MTF2: variants seen among roughly 807,000 people sequenced by gnomAD.
MTF2 encodes the protein metal-response element-binding transcription factor 2.
Under a neutral mutation model 79.5 loss-of-function variants are expected in MTF2, and 11 were observed. The observed-to-expected ratio is 0.14, with a 90% CI of 0.09 to 0.23. MTF2 has a LOEUF of 0.23. Among genes scored for constraint, MTF2 ranks in the 10% least tolerant of loss-of-function variants. MTF2 has a pLI of 1.00. For missense variants in MTF2, 486 were observed against 711.2 expected (o/e 0.68, Z 3.60); for synonymous variants, 208 against 232.8 (o/e 0.89, Z 0.97).
At chr1:93,088,554 A>G (rs771515032) in intron 1 of MTF2, among the ~76,000 whole-genome samples, 6 of 152,166 alleles carry the variant, frequency 3.9e-5, no homozygotes, top group Non-Finnish European at 8.8e-5. Flanking sequence ...GATATATTAT[A>G]TTTAACAGTG....
intron 10 of MTF2, 96 bp from the exon 11 acceptor site, chr1:93,129,182 C>T: frequency 1.2e-6 from 1 of 818,258 alleles, no homozygotes; most frequent in Non-Finnish European, 1.7e-6. Flanking sequence ...GGTGGGCTTT[C>T]AAGTATAAGG....
chr1:93,115,615 G>A lies in MTF2; in HGVS notation c.629G>A (p.Gly210Glu). 1 of 1,575,986 alleles carries A rather than the reference G, an allele frequency of 6.3e-7. No individual in the cohort carries two copies. The highest frequency in any genetic ancestry group is 8.6e-7 in the Non-Finnish European group (1 of 1,164,270). Residue 210 changes from glycine (G) to glutamate (E), a missense_variant, in exon 6 of 15, where the codon GGA (glycine) becomes GAA (glutamate). By Grantham distance (98) the Gly-to-Glu change is moderately conservative. Around this residue, in one of 4 missense-constraint regions of MTF2, gnomAD observed 177 missense variants for 364.0 expected, o/e 0.49. Transcript: ENST00000370298. ...QQCYCYCGGPGDWYLKMLQCC... is the reference protein window; with the variant it reads ...QQCYCYCGGPEDWYLKMLQCC... ...TGTTACTGCTATTGTGGAGGCCCTG[G>A]AGAGTAAGTAAATACAGTTATGTAA...
intron 1 of MTF2, among the ~76,000 whole-genome samples, chr1:93,102,409 C>A (rs1314483345): frequency 6.6e-6 from 1 of 151,888 alleles, no homozygotes; most frequent in African/African-American, 2.4e-5. Flanking sequence ...GACCTGCTCC[C>A]ATTCCTACTA....
At chr1:93,131,464 C>T (rs1051252271) in intron 11 of MTF2, among the ~76,000 whole-genome samples, 3 of 152,188 alleles carry the variant, frequency 2.0e-5, no homozygotes, top group East Asian at 1.9e-4. Context: ...GCCAAATTTA[C>T]GTGTCAAACT....
intron 1 of MTF2, among the ~76,000 whole-genome samples, chr1:93,092,683 TG>T (rs1446523194): frequency 6.6e-6 from 1 of 152,154 alleles, no homozygotes; most frequent in Non-Finnish European, 1.5e-5. Context: ...TAATGTTAGA[TG>T]AAACATAATG....
rs1656426799 is a variant in MTF2 at position 93,120,354 on chromosome 1, G to T, written c.798-195G>T. On this transcript the variant is annotated intron_variant, in intron 8 of 14. Transcript: ENST00000370298. ...TTCATATATCTTCTAGTTTATAGTT[G>T]CTATTCAGAATAAGTGAATGTTTAG... The T allele has an allele frequency of 2.7e-6, 1 of 377,144 alleles. No individual in the cohort carries two copies. The highest frequency in any genetic ancestry group is 4.6e-6 in the Non-Finnish European group (1 of 218,544). The allele number at this position is 377,144 out of a possible 1,614,324, so 23.4% of individuals were successfully genotyped here.
At chr1:93,116,792 C>T (rs1160962918) in intron 6 of MTF2, among the ~76,000 whole-genome samples, 3 of 152,052 alleles carry the variant, frequency 2.0e-5, no homozygotes, top group African/African-American at 4.8e-5. Context: ...ATGATCACCA[C>T]GCCTGGCCCC....
chr1:93,134,641 C>T (rs1360843989), intron 14 of MTF2, among the ~76,000 whole-genome samples: 4 of 151,990 alleles, frequency 2.6e-5, no homozygotes, highest in Non-Finnish European at 5.9e-5. Flanking sequence ...CCTCCCATGT[C>T]GGCCTCTCTA....
intron 1 of MTF2, among the ~76,000 whole-genome samples, chr1:93,080,168 C>T (rs1252825543): frequency 6.6e-6 from 1 of 152,072 alleles, no homozygotes; most frequent in Non-Finnish European, 1.5e-5. Context: ...ATTTGGAGCT[C>T]ACCAAAAATA....
At position 93,115,885 on chromosome 1, in the gene MTF2, A is replaced by G. The variant is rs554125526; in HGVS notation, c.632+267A>G. ...TTGTCATAAAATTAACTATTGAGGG[A>G]AAACATTTACTGCAGGGGCCCAGTA... On this transcript the variant is annotated intron_variant, in intron 6 of 14. Coordinates refer to ENST00000370298, the MANE Select transcript of MTF2 (RefSeq NM_007358.4). Among the ~76,000 whole-genome samples, 36 of 152,342 alleles carry G rather than the reference A, an allele frequency of 2.4e-4. No individual in the cohort carries two copies. The South Asian group carries it at 7.5e-3, about 32-fold the overall frequency.
chr1:93,108,272 G>A (rs1201581153), intron 1 of MTF2, among the ~76,000 whole-genome samples: 1 of 152,082 alleles, frequency 6.6e-6, no homozygotes, highest in African/African-American at 2.4e-5. Context: ...TATTCTTTGT[G>A]TGTGTGTGTG....
intron 3 of MTF2, among the ~76,000 whole-genome samples, 189 bp downstream of exon 3, chr1:93,110,815 A>G (rs942646326): frequency 6.6e-6 from 1 of 152,202 alleles, no homozygotes; most frequent in South Asian, 2.1e-4. Flanking sequence ...TCTAGAGGAC[A>G]GATGCATCAC....
At chr1:93,117,909 T>C (rs1222229843) in intron 6 of MTF2, among the ~76,000 whole-genome samples, 2 of 151,592 alleles carry the variant, frequency 1.3e-5, no homozygotes, top group African/African-American at 2.4e-5. Context: ...CCTGTGGTCC[T>C]AGCTACTTGG....
intron 1 of MTF2, among the ~76,000 whole-genome samples, chr1:93,086,820 CT>C (rs1321308416): frequency 6.6e-6 from 1 of 152,050 alleles, no homozygotes; most frequent in Non-Finnish European, 1.5e-5. Flanking sequence ...TGTCTTTGAA[CT>C]TTTTCTTGTT....
At chr1:93,113,769 C>T (rs1226690360) in intron 3 of MTF2, among the ~76,000 whole-genome samples, 1 of 152,188 alleles carries the variant, frequency 6.6e-6, no homozygotes, top group East Asian at 1.9e-4. Flanking sequence ...GTTACTTTGT[C>T]TGAGCCTCAG....
chr1:93,098,024 G>A (rs1256909905), intron 1 of MTF2, among the ~76,000 whole-genome samples: 3 of 152,172 alleles, frequency 2.0e-5, no homozygotes, highest in Non-Finnish European at 2.9e-5. Context: ...ATATATAAGA[G>A]TAAATAAGAC....
In MTF2 at chr1:93,133,696, A is replaced by G; in HGVS notation, c.1161-7A>G. 6.2e-7 allele frequency: 1 copy of G among 1,600,060 alleles called. No homozygotes were observed. Among genetic ancestry groups the G allele is most frequent in the Non-Finnish European group, 8.5e-7 (1 of 1,170,862 alleles). On this transcript the variant is annotated splice_polypyrimidine_tract_variant and splice_region_variant and intron_variant, in intron 11 of 14. Transcript: ENST00000370298. ...GAGATTAAATGCATAATGGTTTTCCATTTCAGGGAAGTAAGCAATGGCATA... is the reference window on the plus strand; with the variant it reads ...GAGATTAAATGCATAATGGTTTTCCGTTTCAGGGAAGTAAGCAATGGCATA...
chr1:93,093,474 AC>A (rs1220202242), intron 1 of MTF2, among the ~76,000 whole-genome samples: 1 of 152,064 alleles, frequency 6.6e-6, no homozygotes, highest in Admixed American at 6.6e-5. Context: ...GGTTCTCTAG[AC>A]CTGCTGCATG....
intron 1 of MTF2, among the ~76,000 whole-genome samples, chr1:93,086,315 C>T (rs1330016134): frequency 6.6e-6 from 1 of 151,850 alleles, no homozygotes; most frequent in Non-Finnish European, 1.5e-5. Flanking sequence ...ACCAGCTGGG[C>T]CAACATAGTG....
Sources: allele counts gnomAD v4.1 joint callset (sites outside exome capture counted in the v4.1 genomes callset), GRCh38; gene constraint gnomAD v4.1.1; regional missense constraint gnomAD v4.1.1; transcripts MANE v1.5; gene names NCBI Gene and HGNC (gene_info 2026-07-23, HGNC 2026-07-21).